GP2: variants seen among roughly 807,000 people sequenced by gnomAD.
GP2 encodes the protein pancreatic secretory granule membrane major glycoprotein GP2.
A neutral mutation model predicts 60.8 loss-of-function variants in GP2; 58 were observed. That is an observed-to-expected ratio of 0.95 (90% confidence interval 0.77 to 1.19). The LOEUF (loss-of-function observed/expected upper bound fraction) is 1.19. Among genes scored for constraint, GP2 ranks in the 50% most tolerant of loss-of-function variants. The pLI, the probability that GP2 is intolerant of heterozygous loss-of-function variation, is 0.00. For synonymous variants in GP2, 280 were observed against 253.4 expected, an observed-to-expected ratio of 1.10 and a Z score of -1.00; for missense variants, 647 against 667.4, an observed-to-expected ratio of 0.97 and a Z score of 0.34.
At chr16:20,315,893 G>A (rs1964150556) in intron 9 of GP2, 63 bp downstream of exon 9, 2 of 966,358 alleles carry the variant, frequency 2.1e-6, no homozygotes, top group Non-Finnish European at 3.4e-6. Flanking sequence ...GTGACCCCAG[G>A]CATCTGTGGT....
intron 5 of GP2, 117 bp from the exon 6 acceptor site, chr16:20,319,885 C>T (rs960225682): frequency 5.0e-6 from 4 of 804,806 alleles, no homozygotes; most frequent in Admixed American, 2.0e-5. Flanking sequence ...ACCCTACCTT[C>T]TGAGCTCATG....
Position 20,318,550 on chromosome 16 carries a change from T to C in GP2, c.1008-120A>G. On this transcript the variant is annotated intron_variant, in intron 6 of 10. Coordinates refer to ENST00000302555, the MANE Select transcript of GP2 (RefSeq NM_001502.4). ...CATCTTGGATCCTTAAGTGAACTAG[T>C]CAATCAGTCGTTTAAACTGAGCATT... is the stretch of plus-strand genomic sequence containing the variant. 5 of 848,020 alleles carry C rather than the reference T, an allele frequency of 5.9e-6. No individual in the cohort carries two copies. In the South Asian group the frequency reaches 8.1e-5, roughly 14 times the overall value. The allele number at this position is 848,020 out of a possible 1,614,324, so 52.5% of individuals were successfully genotyped here.
chr16:20,326,452 C>T lies in GP2; in HGVS notation c.-21G>A, dbSNP rs1256598463. ...GGCATGCAGGTCACTTTGCTGTATGCAGACTTCCCATGCAGCTATGGGAAA... is the reference window on the plus strand; with the variant it reads ...GGCATGCAGGTCACTTTGCTGTATGTAGACTTCCCATGCAGCTATGGGAAA... On this transcript the variant is annotated 5_prime_UTR_variant, in exon 2 of 11. Coordinates refer to ENST00000302555, the MANE Select transcript of GP2 (RefSeq NM_001502.4). The T allele has an allele frequency of 6.2e-7, 1 of 1,612,518 alleles. No individual in the cohort carries two copies. Among genetic ancestry groups the T allele is most frequent in the Admixed American group, 1.7e-5 (1 of 59,960 alleles).
chr16:20,320,353 G>T lies in GP2; in HGVS notation c.767C>A (p.Pro256Gln), dbSNP rs79015968. 1.9e-6 allele frequency: 3 copies of T among 1,613,974 alleles called. No homozygotes were observed. Among genetic ancestry groups the T allele is most frequent in the East Asian group, 2.2e-5 (1 of 44,868 alleles). ...GEEVIAYLRDPNCSSILQTEE... is the reference protein window; with the variant it reads ...GEEVIAYLRDQNCSSILQTEE... ...TGTCTGCAAGATGCTGCTGCAGTTT[G>T]GGTCTCGCAGGTAGGCAATGACCTC... The change falls in exon 5 of 11, where the codon CCA becomes CAA. Residue 256 changes from proline to glutamine, a missense_variant. Transcript: ENST00000302555.
At chr16:20,318,599 TGACA>T (rs1373474143) in intron 6 of GP2, among the ~76,000 whole-genome samples, 169 bp from the exon 7 acceptor site, 2 of 152,212 alleles carry the variant, frequency 1.3e-5, no homozygotes, top group African/African-American at 4.8e-5. Context: ...GCACTAAACT[TGACA>T]GACAAGTCTG....
Position 20,320,207 on chromosome 16 carries a change from G to A in GP2, c.858+55C>T. 2.4e-6 allele frequency: 3 copies of A among 1,256,212 alleles called. No individual in the cohort carries two copies. The South Asian group carries it at 3.6e-5, about 15-fold the overall frequency. 77.8% of individuals were successfully genotyped at this position (1,256,212 alleles called of 1,614,324 possible). ...CCAAGATCTCAGAGCTACTATGATA[G>A]GTCCCATCAGCCCAACACATACCTT... On this transcript the variant is annotated intron_variant, in intron 5 of 10. Transcript: ENST00000302555.
At position 20,324,180 on chromosome 16, in the gene GP2, A is replaced by G. The variant is rs1964461437; in HGVS notation, c.171T>C (p.His57=). The part of the protein sequence containing the change: ...DCGAPGTPEA[H]VCFDPCQNYT... ...AATTCTGACAGGGGTCAAAACAGAC[A>G]TGAGCCTCTGGGGTGCCAGGAGCTC... The change falls in exon 3 of 11, where the codon CAT becomes CAC. Residue 57 remains histidine (H), a synonymous_variant. Coordinates refer to ENST00000302555, the MANE Select transcript of GP2 (RefSeq NM_001502.4). The G allele has an allele frequency of 1.2e-6, 2 of 1,613,926 alleles. No homozygotes were observed. Among genetic ancestry groups the G allele is most frequent in the East Asian group, 2.2e-5 (1 of 44,884 alleles).
intron 3 of GP2, 30 bp downstream of exon 3, chr16:20,323,786 A>C: frequency 6.8e-7 from 1 of 1,474,078 alleles, no homozygotes; most frequent in Non-Finnish European, 9.3e-7. Context: ...TTGGCTGTGT[A>C]GCTGCCTCCT....
Position 20,311,257 on chromosome 16 carries a change from A to G in GP2, c.1571T>C (p.Val524Ala). 3.7e-6 allele frequency: 6 copies of G among 1,609,468 alleles called. No homozygotes were observed. The highest frequency in any genetic ancestry group is 5.1e-6 in the Non-Finnish European group (6 of 1,175,842). The change falls in exon 11 of 11, where the codon GTC becomes GCC. Residue 524 changes from valine (V) to alanine (A), a missense_variant. Coordinates refer to ENST00000302555, the MANE Select transcript of GP2 (RefSeq NM_001502.4). ...CCAAGCCAGGAGGACAGTCAGGAGG[A>G]CCATAGGCCAGGCCACCAGGAACCC... Reference protein sequence around the residue: ...TAGFLVAWPMVLLTVLLAWLF With the variant: ...TAGFLVAWPMALLTVLLAWLF
At position 20,322,933 on chromosome 16, in the gene GP2, C is replaced by T. The variant is rs1274810073; in HGVS notation, c.582G>A (p.Glu194=). ...EDKCEKACRP[E]EECLALNSTW... ...TGCTGTTGAGGGCAAGGCACTCCTC[C>T]TCGGGGCGGCAGGCCTTCTCACACT... is the stretch of plus-strand genomic sequence containing the variant. Residue 194 remains glutamate, a synonymous_variant, in exon 4 of 11, where the codon GAG becomes GAA. Transcript: ENST00000302555. The T allele has an allele frequency of 1.9e-6, 3 of 1,613,312 alleles. No homozygotes were observed. The highest frequency in any genetic ancestry group is 3.3e-5 in the Admixed American group (2 of 60,032).
intron 1 of GP2, chr16:20,326,762 T>G (rs144706269): frequency 2.1e-4 from 49 of 233,686 alleles, no homozygotes; most frequent in Non-Finnish European, 3.4e-4. Flanking sequence ...TGTGAATACC[T>G]GCACACAAAA....
Position 20,323,958 on chromosome 16 carries a change from G to C in GP2, c.393C>G (p.Gly131=). 1 of 1,614,134 alleles carries C rather than the reference G, an allele frequency of 6.2e-7. No homozygotes were observed. Among genetic ancestry groups the C allele is most frequent in the Non-Finnish European group, 8.5e-7 (1 of 1,179,960 alleles). The change falls in exon 3 of 11, where the codon GGC becomes GGG. Residue 131 remains glycine, a synonymous_variant. Coordinates refer to ENST00000302555, the MANE Select transcript of GP2 (RefSeq NM_001502.4). ...GGGCACAGGCAGTGTGGTTGGTGAT[G>C]CCATCCCCAAGGGCAGGGTGGGTCC... is the stretch of plus-strand genomic sequence containing the variant. ...LNGTHPALGD[G]ITNHTACAHW...
Position 20,323,703 on chromosome 16 carries a change from A to G in GP2, c.535+113T>C, listed in dbSNP as rs1020932926. On this transcript the variant is annotated intron_variant, in intron 3 of 10. Transcript: ENST00000302555. ...TTCTCACTGGGCAGGAGCTGAGTCG[A>G]GGCTGCTCTGCATCCTCTCCTGTCT... 16 of 696,890 alleles carry G rather than the reference A, an allele frequency of 2.3e-5. No individual in the cohort carries two copies. The African/African-American group carries it at 2.7e-4, about 12-fold the overall frequency. 43.2% of individuals were successfully genotyped at this position (696,890 alleles called of 1,614,324 possible).
At chr16:20,325,962 G>A (rs534175665) in intron 2 of GP2, among the ~76,000 whole-genome samples, 2 of 152,228 alleles carry the variant, frequency 1.3e-5, no homozygotes, top group Non-Finnish European at 2.9e-5. Flanking sequence ...TATCTGAATT[G>A]CCCACTTCAT....
intron 3 of GP2, 138 bp from the exon 4 acceptor site, chr16:20,323,117 C>G: frequency 1.6e-6 from 1 of 629,372 alleles, no homozygotes; most frequent in Non-Finnish European, 2.9e-6. Context: ...AGCATCAAGC[C>G]TGACTCCCAG....
At position 20,311,223 on chromosome 16, in the gene GP2, TC is replaced by T. The variant is rs1315021653; in HGVS notation, c.1604del (p.Ter535=). ...CAAGGCCAGATGCTCAGCGGAGCTC[TC>T]AGAACAGCCAAGCCAGGAGGACAGT... ...LLTVLLAWLF[*>X] On this transcript the variant is annotated frameshift_variant and stop_lost, in exon 11 of 11. Coordinates refer to ENST00000302555, the MANE Select transcript of GP2 (RefSeq NM_001502.4). LOFTEE classifies it high-confidence loss of function. The T allele has an allele frequency of 6.2e-7, 1 of 1,605,336 alleles. No individual in the cohort carries two copies. The highest frequency in any genetic ancestry group is 1.1e-5 in the South Asian group (1 of 90,896).
chr16:20,320,418 CT>C lies in GP2; in HGVS notation c.701del (p.Lys234ArgfsTer39). 1 of 1,614,110 alleles carries C rather than the reference CT, an allele frequency of 6.2e-7. No homozygotes were observed. Among genetic ancestry groups the C allele is most frequent in the Non-Finnish European group, 8.5e-7 (1 of 1,179,942 alleles). On this transcript the variant is annotated frameshift_variant, in exon 5 of 11. Coordinates refer to ENST00000302555, the MANE Select transcript of GP2 (RefSeq NM_001502.4). LOFTEE classifies it high-confidence loss of function. Reference sequence around the variant, plus strand: ...GGCCTCCCAGCAAACATTTGTCCACCTTCACCTTGATCTCCCTGGGCCCACA... The same window carrying C: ...GGCCTCCCAGCAAACATTTGTCCACCTCACCTTGATCTCCCTGGGCCCACA... ...LDCGPREIKV[K>X]VDKCLLGGLG...
At chr16:20,319,540 C>A in intron 6 of GP2, 80 bp downstream of exon 6, 1 of 991,800 alleles carries the variant, frequency 1.0e-6, no homozygotes, top group Non-Finnish European at 1.6e-6. Context: ...ATGGTGTGGA[C>A]ATCATAGTCT....
At position 20,310,402 on chromosome 16, in the gene GP2, T is replaced by C. The variant is rs1963962786; in HGVS notation, c.*821A>G. On this transcript the variant is annotated 3_prime_UTR_variant, in exon 11 of 11. Coordinates refer to ENST00000302555, the MANE Select transcript of GP2 (RefSeq NM_001502.4). The stretch of plus-strand genomic sequence containing the variant: ...GGGAGCTATGGGGACTAGTTCTTCC[T>C]GGAGCAGAGTCTCCAAAAGTGGCCC... The C allele has an allele frequency of 6.6e-6, 1 of 152,246 alleles. No homozygotes were observed. The highest frequency in any genetic ancestry group is 2.1e-4 in the South Asian group (1 of 4,830). The allele number at this position is 152,246 out of a possible 1,614,324, so 9.4% of individuals were successfully genotyped here. A position where few individuals can be genotyped will look rare whatever the true frequency, so the allele number is the denominator to read the frequency against.
Sources: allele counts gnomAD v4.1 joint callset (sites outside exome capture counted in the v4.1 genomes callset), GRCh38; gene constraint gnomAD v4.1.1; transcripts MANE v1.5; gene names NCBI Gene and HGNC (gene_info 2026-07-23, HGNC 2026-07-21).